Variants in WNK1 observed in about 807,000 individuals in gnomAD.
WNK1 encodes the protein WNK lysine deficient protein kinase 1, also known as serine/threonine-protein kinase WNK1.
In WNK1, 38 loss-of-function variants were observed where a neutral mutation model predicts 222.8. That is an observed-to-expected ratio of 0.17 (90% CI 0.13 to 0.22). WNK1 has a LOEUF of 0.22. WNK1 is among the 10% of genes least tolerant of loss of function. The pLI is 1.00. For missense variants in WNK1, 2,348 were observed against 2,918.4 expected (o/e 0.80, Z 4.50); for synonymous variants, 1,090 against 1,092.9 (o/e 1.00, Z 0.05).
chr12:768,157 GTCTC>G (rs903499426), intron 1 of WNK1, among the ~76,000 whole-genome samples: 1 of 152,132 alleles, frequency 6.6e-6, no homozygotes, highest in African/African-American at 2.4e-5. Context: ...TTGAGGCAGA[GTCTC>G]TCTCTGTCCA....
chr12:754,376 C>G (rs1203914839), intron 1 of WNK1, 52 bp downstream of exon 1: 2 of 1,610,336 alleles, frequency 1.2e-6, no homozygotes, highest in African/African-American at 1.3e-5. Context: ...AAATTTGGCT[C>G]GGCGAAGCCA....
Position 758,444 on chromosome 12 carries a change from G to A in WNK1, c.759+4120G>A, listed in dbSNP as rs960077922. On this transcript the variant is annotated intron_variant, in intron 1 of 27. Transcript: ENST00000315939. The stretch of plus-strand genomic sequence containing the variant: ...CGCCCAGGCCGGACTGCGGACTGCA[G>A]TGGCGCAATCTCGGCTCACTGCAAG... 8.8e-4 allele frequency among the ~76,000 whole-genome samples: 102 copies of A among 115,436 alleles called. 1 individual carries two copies. The highest frequency in any genetic ancestry group is 3.0e-3 in the African/African-American group (95 of 31,890). The allele number at this position is 115,436 out of a possible 152,430, so 75.7% of individuals were successfully genotyped here.
intron 8 of WNK1, among the ~76,000 whole-genome samples, chr12:869,489 A>G (rs1393524715): frequency 1.3e-5 from 2 of 152,142 alleles, no homozygotes; most frequent in Non-Finnish European, 1.5e-5. Flanking sequence ...CCTCCAAACA[A>G]GTTTTTAAAA....
chr12:871,244 G>T lies in WNK1; in HGVS notation c.2140-21G>T. On this transcript the variant is annotated intron_variant, in intron 8 of 27. Coordinates refer to ENST00000315939, the MANE Select transcript of WNK1 (RefSeq NM_018979.4). Reference sequence around the variant, plus strand: ...TACTTTAGGCCTTCTCTAATTTGTTGTGTTCACTTCTTTCCTTCAGGCACA... The same window carrying T: ...TACTTTAGGCCTTCTCTAATTTGTTTTGTTCACTTCTTTCCTTCAGGCACA... The T allele has an allele frequency of 1.9e-6, 3 of 1,611,798 alleles. No homozygotes were observed. In the South Asian group the frequency reaches 3.3e-5, roughly 18 times the overall value.
chr12:889,255 C>T (rs1200021834), intron 21 of WNK1, 32 bp downstream of exon 21: 1 of 1,554,768 alleles, frequency 6.4e-7, no homozygotes, highest in Non-Finnish European at 8.9e-7. Flanking sequence ...AAAATCTCCT[C>T]ATAACCCTAA....
At chr12:861,938 A>G in intron 7 of WNK1, 145 bp from the exon 8 acceptor site, 1 of 911,456 alleles carries the variant, frequency 1.1e-6, no homozygotes, top group Non-Finnish European at 1.7e-6. Flanking sequence ...TATGGCTACA[A>G]TTCATTTTTT....
chr12:890,276 CAGACTTTT>C (rs1475408511), intron 21 of WNK1, among the ~76,000 whole-genome samples, 169 bp from the exon 22 acceptor site: 1 of 151,806 alleles, frequency 6.6e-6, no homozygotes, highest in Non-Finnish European at 1.5e-5. Flanking sequence ...TTCTTTACAT[CAGACTTTT>C]AGACTTTAAA....
chr12:797,386 A>G (rs1208617082), intron 1 of WNK1, among the ~76,000 whole-genome samples: 1 of 152,200 alleles, frequency 6.6e-6, no homozygotes, highest in Admixed American at 6.5e-5. Flanking sequence ...GTGGTTTTGA[A>G]TCAGTATTGT....
intron 8 of WNK1, chr12:868,936 A>G: frequency 6.3e-7 from 1 of 1,591,108 alleles, no homozygotes; most frequent in Non-Finnish European, 8.6e-7. Flanking sequence ...CTCCCCCTAC[A>G]GGGGGAGCAG....
intron 1 of WNK1, among the ~76,000 whole-genome samples, chr12:786,394 C>G (rs1944307587): frequency 2.0e-5 from 3 of 151,706 alleles, no homozygotes; most frequent in Non-Finnish European, 4.4e-5. Context: ...TCAAATAATT[C>G]TCTTTGCTTA....
At chr12:880,076 T>C (rs376199087) in intron 11 of WNK1, 45 bp downstream of exon 11, 28 of 1,561,930 alleles carry the variant, frequency 1.8e-5, no homozygotes, top group Admixed American at 1.5e-4. Context: ...AGTTTGATCC[T>C]AGTAGATCAT....
intron 1 of WNK1, among the ~76,000 whole-genome samples, chr12:811,395 T>G (rs1946893334): frequency 6.6e-6 from 1 of 152,168 alleles, no homozygotes; most frequent in African/African-American, 2.4e-5. Context: ...TAGGGTTTGT[T>G]TGTTGTCATT....
In WNK1 at chr12:880,673, T is replaced by C. The variant is rs72650705; in HGVS notation, c.2833-48T>C. The C allele has an allele frequency of 0.017, 26,668 of 1,607,094 alleles. 854 individuals carry two copies. Among genetic ancestry groups the C allele is most frequent in the African/African-American group, 0.13 (9,757 of 74,582 alleles). On this transcript the variant is annotated intron_variant, in intron 11 of 27. Transcript: ENST00000315939. ...TGCATGTCTTGCTGTTTTGCTAATT[T>C]ATTGACCCCCAACCTGCTCTAACTC...
chr12:767,585 G>T (rs1941929550), intron 1 of WNK1, among the ~76,000 whole-genome samples: 1 of 151,938 alleles, frequency 6.6e-6, no homozygotes, highest in South Asian at 2.1e-4. Context: ...ACCTACACAT[G>T]CAAATCTCCT....
At chr12:907,664 A>G (rs372625196) in intron 26 of WNK1, 183 bp from the exon 27 acceptor site, 73 of 740,206 alleles carry the variant, frequency 9.9e-5, no homozygotes, top group Non-Finnish European at 1.6e-4. Flanking sequence ...AACTGTTTTC[A>G]TCACCCTATT....
At chr12:882,123 T>C (rs1953217149) in intron 14 of WNK1, 50 bp downstream of exon 14, 1 of 1,545,306 alleles carries the variant, frequency 6.5e-7, no homozygotes, top group African/African-American at 1.4e-5. Flanking sequence ...AATTTGACAC[T>C]GAAAAAGATT....
At chr12:874,730 T>C (rs544193030) in intron 9 of WNK1, among the ~76,000 whole-genome samples, 10 of 152,308 alleles carry the variant, frequency 6.6e-5, no homozygotes, top group African/African-American at 2.2e-4. Context: ...CCTATAAGTA[T>C]AGATGCTATA....
chr12:879,429 G>C, intron 10 of WNK1, 144 bp from the exon 11 acceptor site: 1 of 677,438 alleles, frequency 1.5e-6, no homozygotes, highest in South Asian at 1.8e-5. Context: ...ATGTATGCAG[G>C]GTTTTGTTGG....
chr12:815,655 A>G (rs1947284071), intron 2 of WNK1, among the ~76,000 whole-genome samples: 1 of 152,226 alleles, frequency 6.6e-6, no homozygotes, highest in Non-Finnish European at 1.5e-5. Context: ...AAGTGTTTGA[A>G]TGAATTAAGG....
Sources: gnomAD v4.1 joint callset for allele counts (sites outside exome capture counted in the v4.1 genomes callset) on GRCh38, gnomAD v4.1.1 for gene constraint, MANE v1.5 for transcripts, NCBI Gene and HGNC (gene_info 2026-07-23, HGNC 2026-07-21) for gene names.